Variants in PCDHA7 observed in about 807,000 individuals in gnomAD.
PCDHA7 encodes the protein protocadherin alpha-7.
PCDHA7 carries 37 observed loss-of-function variants against 57.2 expected under a neutral mutation model. The observed-to-expected ratio is 0.65, with a 90% CI of 0.50 to 0.85. The LOEUF (loss-of-function observed/expected upper bound fraction) is 0.85. PCDHA7 is among the 40% of genes least tolerant of loss of function. PCDHA7 has a pLI of 0.00. For synonymous variants in PCDHA7, 553 were observed against 558.8 expected (o/e 0.99, Z 0.15); for missense variants, 1,188 against 1,241.8 (o/e 0.96, Z 0.65).
At chr5:140,954,014 A>T (rs782347890) in intron 1 of PCDHA7, among the ~76,000 whole-genome samples, 1 of 152,038 alleles carries the variant, frequency 6.6e-6, no homozygotes, top group Non-Finnish European at 1.5e-5. Context: ...CAGCTCCCAC[A>T]CATAGTGGGA....
At chr5:140,856,842 C>T (rs782696740) in intron 1 of PCDHA7, 1 of 1,592,718 alleles carries the variant, frequency 6.3e-7, no homozygotes, top group South Asian at 1.1e-5. Context: ...CGGCTCAACG[C>T]TTCTGATTCG....
At chr5:140,926,979 G>A (rs782354889) in intron 1 of PCDHA7, 1 of 1,610,590 alleles carries the variant, frequency 6.2e-7, no homozygotes. Flanking sequence ...TGCCGGAGGA[G>A]ACGGAGCGGG....
At chr5:140,967,552 T>C (rs782453868) in intron 1 of PCDHA7, 2 of 1,613,908 alleles carry the variant, frequency 1.2e-6, no homozygotes, top group Non-Finnish European at 1.7e-6. Context: ...AGTCCACTTA[T>C]CGCGTCCAGC....
At chr5:140,906,821 G>A (rs1354317622) in intron 1 of PCDHA7, among the ~76,000 whole-genome samples, 7 of 152,220 alleles carry the variant, frequency 4.6e-5, no homozygotes, top group Non-Finnish European at 7.3e-5. Flanking sequence ...CCACTGTGGA[G>A]TAGTAGACTG....
intron 1 of PCDHA7, chr5:140,883,594 G>T: frequency 1.9e-6 from 3 of 1,614,032 alleles, no homozygotes; most frequent in Non-Finnish European, 2.5e-6. Context: ...CCAGCGTGTC[G>T]GTGGGGGTGG....
rs181377286 is a variant in PCDHA7 at position 140,886,682 on chromosome 5, G to C, written c.2355+49944G>C. Among the ~76,000 whole-genome samples, 463 of 151,736 alleles carry C rather than the reference G, an allele frequency of 3.1e-3. 3 individuals carry two copies. Among genetic ancestry groups the C allele is most frequent in the Middle Eastern group, 0.014 (4 of 294 alleles). The stretch of plus-strand genomic sequence containing the variant: ...CTCTACTAAAAATACAAAAATTAGC[G>C]AGGCATGGTGGCACGCGCCTGTAAT... On this transcript the variant is annotated intron_variant, in intron 1 of 3. Coordinates refer to ENST00000525929, the MANE Select transcript of PCDHA7 (RefSeq NM_018910.3).
At chr5:140,891,454 A>C (rs1562858065) in intron 1 of PCDHA7, among the ~76,000 whole-genome samples, 1 of 145,650 alleles carries the variant, frequency 6.9e-6, no homozygotes, top group East Asian at 2.1e-4. Context: ...AGGATTTTTG[A>C]ATTTGTGAAT....
chr5:140,946,224 C>T (rs1450090999), intron 1 of PCDHA7, among the ~76,000 whole-genome samples: 1 of 151,786 alleles, frequency 6.6e-6, no homozygotes, highest in Non-Finnish European at 1.5e-5. Context: ...AACAGGTATA[C>T]TAAAAAATGC....
chr5:140,948,722 A>G (rs2094296449), intron 1 of PCDHA7, among the ~76,000 whole-genome samples: 1 of 151,574 alleles, frequency 6.6e-6, no homozygotes, highest in Admixed American at 6.6e-5. Context: ...TTTTTTATCA[A>G]TAAGTCTAGC....
intron 1 of PCDHA7, among the ~76,000 whole-genome samples, chr5:140,892,875 G>A (rs1041608064): frequency 1.3e-5 from 2 of 152,022 alleles, no homozygotes; most frequent in Non-Finnish European, 2.9e-5. Flanking sequence ...CTATAATTTC[G>A]TATCCATTAA....
chr5:140,870,504 C>T (rs782464928), intron 1 of PCDHA7: 13 of 1,614,114 alleles, frequency 8.1e-6, no homozygotes, highest in Middle Eastern at 3.3e-4. Context: ...AGGAGAACAA[C>T]CCACCAGGCT....
Position 140,843,535 on chromosome 5 carries a change from T to G in PCDHA7, c.2355+6797T>G, listed in dbSNP as rs1554140200. On this transcript the variant is annotated intron_variant, in intron 1 of 3. Coordinates refer to ENST00000525929, the MANE Select transcript of PCDHA7 (RefSeq NM_018910.3). ...GCGGGTGCCGGGCGGGCAAGCCCAC[T>G]CTGGTGTGCTCCAGTGCGGTGGGGA... is the stretch of plus-strand genomic sequence containing the variant. The G allele has an allele frequency of 1.9e-6, 3 of 1,595,872 alleles. 1 individual carries two copies. Among genetic ancestry groups the G allele is most frequent in the Non-Finnish European group, 2.6e-6 (3 of 1,165,468 alleles).
chr5:140,888,494 T>C (rs1554183489), intron 1 of PCDHA7, among the ~76,000 whole-genome samples: 1 of 152,236 alleles, frequency 6.6e-6, no homozygotes, highest in Non-Finnish European at 1.5e-5. Context: ...GAAACTCTGC[T>C]TTAAAGAGTC....
intron 1 of PCDHA7, chr5:140,859,995 A>C (rs1279929843): frequency 6.6e-6 from 1 of 152,046 alleles, no homozygotes; most frequent in Non-Finnish European, 1.5e-5. Context: ...CTCTCCATCA[A>C]TACTAACTTA....
chr5:140,926,223 TAGA>T, intron 1 of PCDHA7: 1 of 152,200 alleles, frequency 6.6e-6, no homozygotes, highest in Non-Finnish European at 1.5e-5. Flanking sequence ...TCCTTAAGCC[TAGA>T]AGGTGTGGTC....
At chr5:140,923,181 A>T (rs2081206798) in intron 1 of PCDHA7, among the ~76,000 whole-genome samples, 1 of 152,158 alleles carries the variant, frequency 6.6e-6, no homozygotes, top group Non-Finnish European at 1.5e-5. Flanking sequence ...GTTCAGATGC[A>T]TCTACTGCAG....
At chr5:140,876,004 T>A in intron 1 of PCDHA7, 1 of 1,613,866 alleles carries the variant, frequency 6.2e-7, no homozygotes, top group African/African-American at 1.3e-5. Context: ...AAATGAGAAT[T>A]TTGAGCTTAA....
chr5:140,963,717 T>C (rs2095787814), intron 1 of PCDHA7, among the ~76,000 whole-genome samples: 1 of 152,256 alleles, frequency 6.6e-6, no homozygotes, highest in Admixed American at 6.5e-5. Context: ...ATGCTACATA[T>C]AGACTGCCAA....
chr5:140,935,870 T>C (rs1486682424), intron 1 of PCDHA7, among the ~76,000 whole-genome samples: 1 of 151,620 alleles, frequency 6.6e-6, no homozygotes, highest in East Asian at 1.9e-4. Context: ...TAGCAATTAA[T>C]GAGCTCCAAT....
Sources: allele counts gnomAD v4.1 joint callset (sites outside exome capture counted in the v4.1 genomes callset), GRCh38; gene constraint gnomAD v4.1.1; transcripts MANE v1.5; gene names NCBI Gene and HGNC (gene_info 2026-07-23, HGNC 2026-07-21).